The following RIMS2 variants were observed in gnomAD, a reference collection of about 807,000 sequenced individuals.
RIMS2 encodes the protein regulating synaptic membrane exocytosis protein 2.
A neutral mutation model predicts 174.4 loss-of-function variants in RIMS2; 59 were observed. That is an observed-to-expected ratio of 0.34 (90% confidence interval 0.27 to 0.42). The LOEUF (loss-of-function observed/expected upper bound fraction) is 0.42. RIMS2 is among the 10% of genes least tolerant of loss of function. The pLI is 1.00. For missense variants in RIMS2, 1,620 were observed against 1,666.3 expected, an observed-to-expected ratio of 0.97 and a Z score of 0.48; for synonymous variants, 606 against 572.5, an observed-to-expected ratio of 1.06 and a Z score of -0.84.
At chr8:103,853,688 G>A (rs921160935) in intron 3 of RIMS2, among the ~76,000 whole-genome samples, 1 of 152,096 alleles carries the variant, frequency 6.6e-6, no homozygotes, top group Non-Finnish European at 1.5e-5. Flanking sequence ...AGAACAGATG[G>A]TTGTAAGTAT....
chr8:103,919,335 T>G (rs777742748), intron 9 of RIMS2, among the ~76,000 whole-genome samples: 9 of 152,090 alleles, frequency 5.9e-5, no homozygotes, highest in Non-Finnish European at 8.8e-5. Flanking sequence ...ACGAGGCCAG[T>G]GTAGCTGAAT....
At chr8:103,826,897 G>A (rs1385529562) in intron 3 of RIMS2, among the ~76,000 whole-genome samples, 1 of 150,666 alleles carries the variant, frequency 6.6e-6, no homozygotes, top group Non-Finnish European at 1.5e-5. Flanking sequence ...TGGAACTCCT[G>A]GCTTCAGGCT....
chr8:103,666,907 G>A (rs2096677168), intron 1 of RIMS2, among the ~76,000 whole-genome samples: 1 of 152,140 alleles, frequency 6.6e-6, no homozygotes. Flanking sequence ...TCATAATCAT[G>A]CATTTCTTTG....
intron 3 of RIMS2, among the ~76,000 whole-genome samples, chr8:103,875,091 A>G (rs2099129604): frequency 6.6e-6 from 1 of 152,094 alleles, no homozygotes; most frequent in African/African-American, 2.4e-5. Context: ...ATTTACTTCA[A>G]GAGCAGAATT....
Position 104,036,026 on chromosome 8 carries a change from GT to G in RIMS2, c.3334+21415del, listed in dbSNP as rs781042176. ...TAGTTGCTCATTTAAAATTAGTTCA[GT>G]TTTCTCTGCACATACAGATAAGTTT... On this transcript the variant is annotated intron_variant, in intron 19 of 23. Coordinates refer to ENST00000504942, the Ensembl canonical transcript of RIMS2. Among the ~76,000 whole-genome samples the G allele has an allele frequency of 3.9e-5, 6 of 151,916 alleles. No homozygotes were observed. The East Asian group carries it at 1.2e-3, about 29-fold the overall frequency.
chr8:103,530,596 AAG>A (rs1355291372), intron 1 of RIMS2, among the ~76,000 whole-genome samples: 2 of 152,194 alleles, frequency 1.3e-5, no homozygotes, highest in African/African-American at 4.8e-5. Context: ...CGTTAAGCAA[AAG>A]AAATCTGGTG....
At position 104,156,668 on chromosome 8, in the gene RIMS2, A is replaced by G. The variant is rs182243340; in HGVS notation, c.3335-88248A>G. Among the ~76,000 whole-genome samples the G allele has an allele frequency of 9.2e-5, 14 of 152,298 alleles. No individual in the cohort carries two copies. In the East Asian group the frequency reaches 2.7e-3, roughly 29 times the overall value. ...TAGTAGAATATGTGCATCATTTATA[A>G]ATAAATTTTTACAGAACTAGAAGTG... is the stretch of plus-strand genomic sequence containing the variant. On this transcript the variant is annotated intron_variant, in intron 19 of 23. Coordinates refer to ENST00000504942, the Ensembl canonical transcript of RIMS2.
intron 2 of RIMS2, among the ~76,000 whole-genome samples, chr8:103,713,239 G>A (rs747417096): frequency 1.3e-5 from 2 of 152,108 alleles, no homozygotes; most frequent in Non-Finnish European, 2.9e-5. Context: ...GGCTGGTCTC[G>A]AACTACTGAC....
intron 4 of RIMS2, among the ~76,000 whole-genome samples, chr8:103,905,893 C>T (rs1289342490): frequency 6.6e-6 from 1 of 151,352 alleles, no homozygotes; most frequent in African/African-American, 2.4e-5. Context: ...GTGGTTGAGC[C>T]CATCAATTTG....
intron 19 of RIMS2, among the ~76,000 whole-genome samples, chr8:104,077,265 A>G (rs1286225767): frequency 1.3e-5 from 2 of 152,116 alleles, no homozygotes; most frequent in Non-Finnish European, 2.9e-5. Context: ...ATGATAGGAA[A>G]GAAGGACAAA....
intron 19 of RIMS2, among the ~76,000 whole-genome samples, chr8:104,057,067 T>C (rs951482185): frequency 8.7e-5 from 13 of 149,876 alleles, no homozygotes; most frequent in African/African-American, 2.4e-4. Flanking sequence ...CTTTTTCTTT[T>C]TTTTTTTTTT....
At position 103,918,595 on chromosome 8, in the gene RIMS2, T is replaced by C. The variant is rs753476876; in HGVS notation, c.2083+108T>C. 1.2e-5 allele frequency: 10 copies of C among 825,818 alleles called. No individual in the cohort carries two copies. The East Asian group carries it at 2.5e-4, about 20-fold the overall frequency. 51.2% of individuals were successfully genotyped at this position (825,818 alleles called of 1,614,324 possible). ...GAAGTAAGAAATATGATAACCTTGT[T>C]ATCAAGTCTGTAAGCATATAAAGAT... On this transcript the variant is annotated intron_variant, in intron 9 of 23. Coordinates refer to ENST00000504942, the Ensembl canonical transcript of RIMS2.
intron 19 of RIMS2, among the ~76,000 whole-genome samples, chr8:104,063,195 A>C (rs2097036796): frequency 6.6e-6 from 1 of 152,086 alleles, no homozygotes; most frequent in African/African-American, 2.4e-5. Context: ...ACTGAAAAAC[A>C]AATATAATTT....
intron 19 of RIMS2, among the ~76,000 whole-genome samples, chr8:104,072,927 T>C (rs1290595304): frequency 6.6e-6 from 1 of 152,210 alleles, no homozygotes; most frequent in Non-Finnish European, 1.5e-5. Context: ...AATCAGTGGA[T>C]GATTTCTCAG....
intron 1 of RIMS2, among the ~76,000 whole-genome samples, chr8:103,507,497 A>G (rs994461009): frequency 1.3e-5 from 2 of 152,092 alleles, no homozygotes; most frequent in Non-Finnish European, 2.9e-5. Context: ...GGAATGAAAT[A>G]TTATGTTCAT....
chr8:104,068,411 G>A (rs1185914802), intron 19 of RIMS2, 101 bp from the exon 23 acceptor site: 3 of 568,164 alleles, frequency 5.3e-6, no homozygotes, highest in East Asian at 2.9e-5. Context: ...TTGAGTGAAA[G>A]TAATATACCA....
Position 103,669,330 on chromosome 8 carries a change from G to T in RIMS2, c.177-27756G>T, listed in dbSNP as rs189832478. Among the ~76,000 whole-genome samples, 75 of 152,300 alleles carry T rather than the reference G, an allele frequency of 4.9e-4. 1 individual carries two copies. In the Middle Eastern group the frequency reaches 0.017, roughly 35 times the overall value. On this transcript the variant is annotated intron_variant, in intron 1 of 23. Transcript: ENST00000504942. ...GGGAATTATGGAAGCTACAATTCAA[G>T]ATGAGATTTGGGTGGGGACATAGCT...
chr8:103,968,985 T>G (rs1034076135), intron 15 of RIMS2, among the ~76,000 whole-genome samples: 3 of 152,124 alleles, frequency 2.0e-5, no homozygotes, highest in Non-Finnish European at 4.4e-5. Flanking sequence ...GGTCCTAGGA[T>G]TCTAGGTTGG....
In RIMS2 at chr8:103,766,632, G is replaced by A. The variant is rs118157855; in HGVS notation, c.698+95G>A. ...ACATGAAATGTTTAGGCAATGGTGA[G>A]TTGTCTAAGTAATGTAAACATTCAT... On this transcript the variant is annotated intron_variant, in intron 3 of 23. Transcript: ENST00000504942. The A allele has an allele frequency of 3.4e-4, 261 of 779,054 alleles. No homozygotes were observed. In the East Asian group the frequency reaches 6.9e-3, roughly 21 times the overall value. 48.3% of individuals were successfully genotyped at this position (779,054 alleles called of 1,614,324 possible).
Sources: allele counts gnomAD v4.1 joint callset (sites outside exome capture counted in the v4.1 genomes callset), GRCh38; gene constraint gnomAD v4.1.1; transcripts MANE v1.5; gene names NCBI Gene and HGNC (gene_info 2026-07-23, HGNC 2026-07-21).